Variants in SPEF2 observed in about 807,000 individuals in gnomAD.
SPEF2 encodes the protein sperm flagellar and cilia associated 2, also known as sperm flagella and cilia-associated protein 2.
A neutral mutation model predicts 224.6 loss-of-function variants in SPEF2; 187 were observed. That is an observed-to-expected ratio of 0.83 (90% CI 0.74 to 0.94). The LOEUF (loss-of-function observed/expected upper bound fraction) is 0.94. Among genes scored for constraint, SPEF2 ranks in the 40% least tolerant of loss-of-function variants. The pLI, the probability that SPEF2 is intolerant of heterozygous loss-of-function variation, is 0.00. For synonymous variants in SPEF2, 715 were observed against 707.3 expected (o/e 1.01, Z -0.17); for missense variants, 2,170 against 2,135.6 (o/e 1.02, Z -0.32).
In SPEF2 at chr5:35,712,890, C is replaced by T; in HGVS notation, c.2914+4C>T. 1 of 1,611,960 alleles carries T rather than the reference C, an allele frequency of 6.2e-7. No individual in the cohort carries two copies. The highest frequency in any genetic ancestry group is 2.2e-5 in the East Asian group (1 of 44,826). On this transcript the variant is annotated splice_donor_region_variant and intron_variant, in intron 20 of 36. Transcript: ENST00000356031. ...GAGACCGCACTCAAAAGAAAAGGTA[C>T]AGCAGATAAAAATATATATAATTAC...
intron 25 of SPEF2, among the ~76,000 whole-genome samples, chr5:35,760,185 C>A (rs1216717314): frequency 6.6e-6 from 1 of 151,886 alleles, no homozygotes; most frequent in Non-Finnish European, 1.5e-5. Flanking sequence ...CACGGTGAAA[C>A]CCCGTCTCTA....
rs765188408 is a variant in SPEF2, at chr5:35,739,941, C to G, written c.3086C>G (p.Pro1029Arg). 5.0e-6 allele frequency: 8 copies of G among 1,613,590 alleles called. No homozygotes were observed. Among genetic ancestry groups the G allele is most frequent in the Non-Finnish European group, 4.2e-6 (5 of 1,179,938 alleles). ...CAGGAAATGCCTTTGTTTTTAGTAC[C>G]TTACTGGGAACTAATAGAAAATTCC... Reference protein sequence around the residue: ...VPEEMPLFLVPYWELIENSYI... With the variant: ...VPEEMPLFLVRYWELIENSYI... The change falls in exon 22 of 37, where the codon CCT (proline) becomes CGT (arginine). Residue 1029 changes from proline to arginine, a missense_variant. By Grantham distance (103) the Pro-to-Arg change is moderately radical. Transcript: ENST00000356031.
chr5:35,751,078 T>TACGTATATATATACAC lies in SPEF2; in HGVS notation c.3331-2544_3331-2543insGTATATATATACACAC, dbSNP rs1554048783. 3.0e-3 allele frequency among the ~76,000 whole-genome samples: 67 copies of TACGTATATATATACAC among 22,646 alleles called. 12 individuals carry two copies. Among genetic ancestry groups the TACGTATATATATACAC allele is most frequent in the Admixed American group, 2.9e-3 (4 of 1,400 alleles). 14.9% of individuals were successfully genotyped at this position (22,646 alleles called of 152,430 possible). A position where few individuals can be genotyped will look rare whatever the true frequency, so the allele number is the denominator to read the frequency against. ...ATACGTATATATATGTATATATATA[T>TACGTATATATATACAC]ACACACACACACACACACATATATA... is the stretch of plus-strand genomic sequence containing the variant. On this transcript the variant is annotated intron_variant, in intron 23 of 36. Transcript: ENST00000356031.
chr5:35,632,184 A>G (rs1745229327), intron 2 of SPEF2, among the ~76,000 whole-genome samples: 1 of 152,196 alleles, frequency 6.6e-6, no homozygotes, highest in Admixed American at 6.5e-5. Context: ...AATTTACTGT[A>G]TTAGTCCATT....
chr5:35,790,932 C>T lies in SPEF2; in HGVS notation c.4448-1408C>T, dbSNP rs1051199940. 4 of 152,130 alleles carry T rather than the reference C, an allele frequency of 2.6e-5. No individual in the cohort carries two copies. The East Asian group carries it at 7.7e-4, about 29-fold the overall frequency. 9.4% of individuals were successfully genotyped at this position (152,130 alleles called of 1,614,324 possible). ...CAGTTTTCACATTTCATGCTAAATC[C>T]TCAGGTAAACAATTCTTATGTAAAC... On this transcript the variant is annotated intron_variant, in intron 30 of 36. Transcript: ENST00000356031.
chr5:35,678,855 C>T (rs1157960496), intron 10 of SPEF2: 5 of 152,214 alleles, frequency 3.3e-5, no homozygotes, highest in Admixed American at 6.5e-5. Flanking sequence ...TTCAAGAAAC[C>T]CTGTGGGGCT....
At chr5:35,737,387 C>T (rs983973122) in intron 21 of SPEF2, among the ~76,000 whole-genome samples, 10 of 141,222 alleles carry the variant, frequency 7.1e-5, no homozygotes, top group East Asian at 4.2e-4. Flanking sequence ...CAACAGGCCC[C>T]GGGATGTAAT....
At chr5:35,674,337 CTTTTTTT>C (rs35129181) in intron 10 of SPEF2, among the ~76,000 whole-genome samples, 16 of 94,464 alleles carry the variant, frequency 1.7e-4, no homozygotes, top group African/African-American at 5.4e-4. Context: ...TTTTCGTCTT[CTTTTTTT>C]TTTTTTTTTT....
chr5:35,648,417 C>T (rs1747717797), intron 5 of SPEF2, among the ~76,000 whole-genome samples: 1 of 149,470 alleles, frequency 6.7e-6, no homozygotes, highest in Admixed American at 6.7e-5. Flanking sequence ...CACAGTCTTA[C>T]TCTGTTGCCC....
intron 17 of SPEF2, among the ~76,000 whole-genome samples, chr5:35,705,443 T>A (rs1425414370): frequency 1.3e-5 from 2 of 152,080 alleles, no homozygotes; most frequent in Non-Finnish European, 1.5e-5. Context: ...AACATTTTCC[T>A]CTTTTACTCT....
rs200899645 is a variant in SPEF2 at position 35,662,188 on chromosome 5, C to CT, written c.1167+2989dup. ...GTATCTAATGGTCAGTGATGTTAAG[C>CT]TTTTTTTTCACGTTTGTTAGCCATT... is the stretch of plus-strand genomic sequence containing the variant. On this transcript the variant is annotated intron_variant, in intron 8 of 36. Coordinates refer to ENST00000356031, the MANE Select transcript of SPEF2 (RefSeq NM_024867.4). 7.4e-4 allele frequency among the ~76,000 whole-genome samples: 113 copies of CT among 151,900 alleles called. 1 individual carries two copies. In the East Asian group the frequency reaches 0.014, roughly 19 times the overall value.
chr5:35,777,360 A>G (rs1456724045), intron 29 of SPEF2, among the ~76,000 whole-genome samples: 2 of 152,238 alleles, frequency 1.3e-5, no homozygotes, highest in African/African-American at 2.4e-5. Flanking sequence ...AAACACAAGC[A>G]TAAGTAAGCT....
intron 15 of SPEF2, chr5:35,698,652 G>C (rs865917636): frequency 6.6e-6 from 1 of 152,298 alleles, no homozygotes; most frequent in African/African-American, 2.4e-5. Flanking sequence ...TGCCCCTGAG[G>C]CTCCTCCAGA....
intron 23 of SPEF2, among the ~76,000 whole-genome samples, chr5:35,750,826 C>A (rs1035457706): frequency 6.6e-6 from 1 of 151,056 alleles, no homozygotes; most frequent in African/African-American, 2.4e-5. Flanking sequence ...ACCATTTGAT[C>A]CAGCAATCCT....
intron 26 of SPEF2, among the ~76,000 whole-genome samples, chr5:35,766,459 T>C (rs1043005743): frequency 6.6e-6 from 1 of 152,092 alleles, no homozygotes; most frequent in Admixed American, 6.6e-5. Context: ...TTATTTAAAA[T>C]GGCCTACATT....
intron 21 of SPEF2, among the ~76,000 whole-genome samples, chr5:35,737,591 A>G (rs1746838221): frequency 6.6e-6 from 1 of 151,856 alleles, no homozygotes; most frequent in African/African-American, 2.4e-5. Flanking sequence ...TATGTGCAAA[A>G]TTTTCTTAAT....
intron 23 of SPEF2, among the ~76,000 whole-genome samples, chr5:35,746,823 A>G (rs1187037481): frequency 6.6e-6 from 1 of 152,164 alleles, no homozygotes; most frequent in Non-Finnish European, 1.5e-5. Flanking sequence ...TACAAAGAAC[A>G]CCTGGGAAAT....
intron 23 of SPEF2, among the ~76,000 whole-genome samples, chr5:35,749,784 C>T (rs1749118086): frequency 6.6e-6 from 1 of 152,066 alleles, no homozygotes; most frequent in South Asian, 2.1e-4. Context: ...CTGCCCAAAG[C>T]AATCTACAAA....
intron 10 of SPEF2, among the ~76,000 whole-genome samples, chr5:35,681,009 T>G (rs1752722166): frequency 6.6e-6 from 1 of 152,194 alleles, no homozygotes; most frequent in Non-Finnish European, 1.5e-5. Flanking sequence ...AATCGGCTTG[T>G]CCCTGGTTAA....
Sources: allele counts gnomAD v4.1 joint callset (sites outside exome capture counted in the v4.1 genomes callset), GRCh38; gene constraint gnomAD v4.1.1; transcripts MANE v1.5; gene names NCBI Gene and HGNC (gene_info 2026-07-23, HGNC 2026-07-21).